Variants in RAD50 observed in about 807,000 individuals in gnomAD.
RAD50 encodes DNA repair protein RAD50.
Under a neutral mutation model 168.8 loss-of-function variants are expected in RAD50, and 132 were observed. The observed-to-expected ratio is 0.78, with a 90% CI of 0.68 to 0.90. The LOEUF is 0.90. Among genes scored for constraint, RAD50 ranks in the 40% least tolerant of loss-of-function variants. The pLI is 0.00. For synonymous variants in RAD50, 525 were observed against 497.4 expected (o/e 1.06, Z -0.74); for missense variants, 1,347 against 1,534.4 (o/e 0.88, Z 2.04).
rs201746593 is a variant in RAD50, at chr5:132,618,322, T to C, written c.3389+28T>C. On this transcript the variant is annotated intron_variant, in intron 21 of 24. Transcript: ENST00000378823. ...AAGTATTAGACTGGGGATTTTCTTA[T>C]TGCAGTTAATATTAACTAACATACT... 23 of 1,613,088 alleles carry C rather than the reference T, an allele frequency of 1.4e-5. No individual in the cohort carries two copies. The East Asian group carries it at 2.5e-4, about 17-fold the overall frequency.
chr5:132,592,844 T>C (rs746078567), intron 11 of RAD50: 11 of 471,020 alleles, frequency 2.3e-5, no homozygotes, highest in African/African-American at 1.0e-4. Context: ...ATCCCACTTA[T>C]TGAGGAAGTT....
intron 19 of RAD50, among the ~76,000 whole-genome samples, chr5:132,611,248 A>G (rs1463332225): frequency 3.3e-5 from 5 of 152,130 alleles, no homozygotes; most frequent in Non-Finnish European, 7.4e-5. Context: ...AAAATTAGCC[A>G]GGTGTGGTGA....
At chr5:132,566,672 A>G (rs1750213873) in intron 2 of RAD50, among the ~76,000 whole-genome samples, 1 of 152,194 alleles carries the variant, frequency 6.6e-6, no homozygotes, top group Non-Finnish European at 1.5e-5. Flanking sequence ...ATGCATATCT[A>G]CTTCATGCAA....
chr5:132,617,931 G>A lies in RAD50; in HGVS notation c.3165-139G>A, dbSNP rs77056480. ...TTAGTACCAAAGCCCTAAATAATAA[G>A]CAAGGAGAGACTCTGTTATAATATA... On this transcript the variant is annotated intron_variant, in intron 20 of 24. Transcript: ENST00000378823. 7,026 of 759,250 alleles carry A rather than the reference G, an allele frequency of 9.3e-3. 473 individuals are homozygous for A. In the East Asian group the frequency reaches 0.15, roughly 16 times the overall value. 47.0% of individuals were successfully genotyped at this position (759,250 alleles called of 1,614,324 possible). A position where few individuals can be genotyped will look rare whatever the true frequency, so the allele number is the denominator to read the frequency against.
Position 132,579,922 on chromosome 5 carries a change from A to C in RAD50, c.612A>C (p.Lys204Asn), listed in dbSNP as rs773903575. 6.2e-7 allele frequency: 1 copy of C among 1,612,648 alleles called. No homozygotes were observed. The highest frequency in any genetic ancestry group is 8.5e-7 in the Non-Finnish European group (1 of 1,178,702). ...GTCAGACACAAGGTCAGAAAGTAAA[A>C]GAATATCAAATGGAACTAAAATATC... The part of the protein sequence containing the change: ...QVRQTQGQKV[K>N]EYQMELKYLK... Residue 204 changes from lysine to asparagine, a missense_variant, in exon 5 of 25, where the codon AAA (lysine) becomes AAC (asparagine). Physicochemically the swap from Lys to Asn is moderately conservative, Grantham distance 94. Coordinates refer to ENST00000378823, the MANE Select transcript of RAD50 (RefSeq NM_005732.4).
chr5:132,619,966 GC>G (rs1367703823), intron 21 of RAD50, among the ~76,000 whole-genome samples: 2 of 148,836 alleles, frequency 1.3e-5, no homozygotes, highest in Non-Finnish European at 3.0e-5. Context: ...GTGCAGTGGC[GC>G]CATCTCGGCT....
intron 2 of RAD50, among the ~76,000 whole-genome samples, chr5:132,564,481 C>G (rs566725575): frequency 1.3e-5 from 2 of 152,250 alleles, no homozygotes; most frequent in Admixed American, 1.3e-4. Flanking sequence ...TTCCAGGCAG[C>G]AAAACTTTCA....
intron 11 of RAD50, chr5:132,593,197 A>G (rs1314667632): frequency 5.2e-6 from 1 of 191,032 alleles, no homozygotes; most frequent in East Asian, 1.2e-4. Flanking sequence ...TGATTTCACC[A>G]TTCTTCCACC....
At chr5:132,560,849 C>A (rs540829551) in intron 2 of RAD50, among the ~76,000 whole-genome samples, 1 of 152,346 alleles carries the variant, frequency 6.6e-6, no homozygotes, top group East Asian at 1.9e-4. Flanking sequence ...CCAATTTACC[C>A]TCTAGCCATT....
intron 8 of RAD50, 98 bp from the exon 9 acceptor site, chr5:132,589,533 T>C (rs955846323): frequency 1.0e-6 from 1 of 971,414 alleles, no homozygotes; most frequent in Non-Finnish European, 1.5e-6. Context: ...GACTGTACTT[T>C]TTTGTATTTT....
At chr5:132,587,828 G>A in intron 6 of RAD50, 96 bp from the exon 7 acceptor site, 2 of 1,537,204 alleles carry the variant, frequency 1.3e-6, no homozygotes, top group Non-Finnish European at 1.8e-6. Context: ...TTAAAATGAA[G>A]GATATTGAAT....
intron 23 of RAD50, 85 bp downstream of exon 23, chr5:132,638,308 G>A: frequency 6.7e-7 from 1 of 1,490,930 alleles, no homozygotes. Flanking sequence ...AAGCACCCAA[G>A]GCTACACCTG....
At chr5:132,607,848 A>AGT (rs1202767554) in intron 16 of RAD50, among the ~76,000 whole-genome samples, 1 of 152,224 alleles carries the variant, frequency 6.6e-6, no homozygotes, top group Non-Finnish European at 1.5e-5. Flanking sequence ...CCTATATTGA[A>AGT]GTAATTACTA....
At chr5:132,610,603 G>C (rs1262511349) in intron 19 of RAD50, among the ~76,000 whole-genome samples, 3 of 152,046 alleles carry the variant, frequency 2.0e-5, no homozygotes, top group South Asian at 4.1e-4. Flanking sequence ...TGGAAGATTA[G>C]TTACATTAGT....
At chr5:132,581,256 C>T (rs1286936139) in intron 5 of RAD50, among the ~76,000 whole-genome samples, 3 of 149,450 alleles carry the variant, frequency 2.0e-5, no homozygotes, top group East Asian at 1.9e-4. Context: ...TGAGCCACCA[C>T]GCCCGGCTAA....
rs184854579 is a variant in RAD50 at position 132,641,991 on chromosome 5, G to A, written c.3753-187G>A. Among the ~76,000 whole-genome samples the A allele has an allele frequency of 1.3e-4, 20 of 152,298 alleles. No individual in the cohort carries two copies. The East Asian group carries it at 3.9e-3, about 29-fold the overall frequency. ...TCAGGCCATGTGTCCCTACTGTCTG[G>A]AGAGGAGAAGAGACTCCTGCCTGGC... On this transcript the variant is annotated intron_variant, in intron 24 of 24. Coordinates refer to ENST00000378823, the MANE Select transcript of RAD50 (RefSeq NM_005732.4).
chr5:132,615,201 A>G (rs939565820), intron 19 of RAD50, among the ~76,000 whole-genome samples: 5 of 152,224 alleles, frequency 3.3e-5, no homozygotes, highest in African/African-American at 1.2e-4. Flanking sequence ...TCTCTTGACA[A>G]CATAGTTCAT....
intron 2 of RAD50, among the ~76,000 whole-genome samples, chr5:132,571,831 C>T (rs1426617756): frequency 6.6e-6 from 1 of 152,202 alleles, no homozygotes; most frequent in African/African-American, 2.4e-5. Context: ...GTATAATATT[C>T]TTGCCAAAGA....
At position 132,638,106 on chromosome 5, in the gene RAD50, T is replaced by C; in HGVS notation, c.3501T>C (p.Ser1167=). 1 of 1,614,156 alleles carries C rather than the reference T, an allele frequency of 6.2e-7. No individual in the cohort carries two copies. ...GQDIEYIEIR[S]DADENVSASD... Reference sequence around the variant, plus strand: ...ATATTGAATACATAGAAATACGGTCTGATGCCGATGAAAATGTATCAGCTT... The same window carrying C: ...ATATTGAATACATAGAAATACGGTCCGATGCCGATGAAAATGTATCAGCTT... The change falls in exon 23 of 25, where the codon TCT becomes TCC. Residue 1167 remains serine, a synonymous_variant. Coordinates refer to ENST00000378823, the MANE Select transcript of RAD50 (RefSeq NM_005732.4).
Sources: allele counts gnomAD v4.1 joint callset (sites outside exome capture counted in the v4.1 genomes callset), GRCh38; gene constraint gnomAD v4.1.1; transcripts MANE v1.5; gene names NCBI Gene and HGNC (gene_info 2026-07-23, HGNC 2026-07-21).